CDON: variants seen among roughly 807,000 people sequenced by gnomAD.
CDON encodes the protein cell adhesion molecule-related/down-regulated by oncogenes.
A neutral mutation model predicts 120.9 loss-of-function variants in CDON; 73 were observed. The ratio of observed to expected loss-of-function variants is 0.60; its 90% CI spans 0.50 to 0.73. The LOEUF (loss-of-function observed/expected upper bound fraction) is 0.73. Among genes scored for constraint, CDON ranks in the 30% least tolerant of loss-of-function variants. The pLI is 0.00. For missense variants in CDON, 1,470 were observed against 1,587.3 expected (o/e 0.93, Z 1.26); for synonymous variants, 566 against 573.5 (o/e 0.99, Z 0.19).
intron 15 of CDON, among the ~76,000 whole-genome samples, chr11:125,985,751 C>T (rs1170136073): frequency 6.6e-6 from 1 of 152,076 alleles, no homozygotes; most frequent in Non-Finnish European, 1.5e-5. Context: ...AAATGCAAAT[C>T]AAAACCACAA....
intron 18 of CDON, among the ~76,000 whole-genome samples, chr11:125,966,050 C>T (rs1945788537): frequency 6.6e-6 from 1 of 151,854 alleles, no homozygotes; most frequent in African/African-American, 2.4e-5. Flanking sequence ...GGCAGGAGAA[C>T]CGCTTGAACC....
intron 1 of CDON, among the ~76,000 whole-genome samples, chr11:126,035,637 T>C (rs979301006): frequency 4.6e-5 from 7 of 152,124 alleles, no homozygotes; most frequent in Admixed American, 4.6e-4. Context: ...TAGTACATAA[T>C]TGGCACCAAT....
intron 1 of CDON, among the ~76,000 whole-genome samples, chr11:126,060,477 G>A (rs979366005): frequency 1.3e-5 from 2 of 151,626 alleles, no homozygotes; most frequent in Non-Finnish European, 2.9e-5. Flanking sequence ...TTTTTACTAC[G>A]ATAATATTTA....
rs1947118304 is a variant in CDON, at chr11:126,006,038, T to G, written c.1572A>C (p.Thr524=). The part of the protein sequence containing the change: ...SLMVVPFETN[T]KAETVTLPDA... ...CAGGAAGTGTGACTGTCTCTGCTTTTGTATTTGTTTCAAAAGGAACTGCAG... is the reference window on the plus strand; with the variant it reads ...CAGGAAGTGTGACTGTCTCTGCTTTGGTATTTGTTTCAAAAGGAACTGCAG... The change falls in exon 9 of 20, where the codon ACA becomes ACC. Residue 524 remains threonine, a synonymous_variant. Transcript: ENST00000531738. 1.2e-6 allele frequency: 2 copies of G among 1,614,004 alleles called. No homozygotes were observed. The highest frequency in any genetic ancestry group is 1.3e-5 in the African/African-American group (1 of 75,056).
Position 126,005,957 on chromosome 11 carries a change from C to T in CDON, c.1653G>A (p.Leu551=). 6.2e-7 allele frequency: 1 copy of T among 1,614,118 alleles called. No homozygotes were observed. Among genetic ancestry groups the T allele is most frequent in the African/African-American group, 1.3e-5 (1 of 75,012 alleles). Residue 551 remains leucine, a synonymous_variant, in exon 9 of 20, where the codon CTG becomes CTA. Coordinates refer to ENST00000531738, the MANE Select transcript of CDON (RefSeq NM_001378964.1). The stretch of plus-strand genomic sequence containing the variant: ...GATGGACCTTCACCGGAAATGAGCT[C>T]AGTAACCCAGTTTCTGAACCATCTC... ...SKRDGSETGL[L]SSFPVKVHPS...
intron 10 of CDON, among the ~76,000 whole-genome samples, chr11:126,002,985 T>G (rs1300866201): frequency 6.6e-6 from 1 of 152,176 alleles, no homozygotes; most frequent in Non-Finnish European, 1.5e-5. Flanking sequence ...GGGAGACACG[T>G]GGCTTTCTAC....
At chr11:126,060,473 C>T (rs1005205040) in intron 1 of CDON, among the ~76,000 whole-genome samples, 4 of 151,962 alleles carry the variant, frequency 2.6e-5, no homozygotes, top group Non-Finnish European at 5.9e-5. Context: ...CTGATTTTTA[C>T]TACGATAATA....
rs754543462 is a variant in CDON, at chr11:125,994,265, A to G, written c.2650+19T>C. 7.6e-7 allele frequency: 1 copy of G among 1,314,034 alleles called. No homozygotes were observed. The highest frequency in any genetic ancestry group is 1.2e-5 in the South Asian group (1 of 85,130). 81.4% of individuals were successfully genotyped at this position (1,314,034 alleles called of 1,614,324 possible). A position where few individuals can be genotyped will look rare whatever the true frequency, so the allele number is the denominator to read the frequency against. On this transcript the variant is annotated intron_variant, in intron 14 of 19. Transcript: ENST00000531738. ...TCCAAAGCGCCTTTACAGGGACTCC[A>G]GTGTGCCAGGGGACTTACCTTCTAC...
intron 1 of CDON, among the ~76,000 whole-genome samples, chr11:126,049,464 C>T (rs113980956): frequency 2.0e-5 from 3 of 152,210 alleles, no homozygotes; most frequent in African/African-American, 7.2e-5. Context: ...TATTACAACT[C>T]AGTCTTCATT....
chr11:126,005,509 C>T (rs1947094182), intron 9 of CDON: 2 of 533,802 alleles, frequency 3.7e-6, no homozygotes, highest in Admixed American at 3.2e-5. Flanking sequence ...AGGGCTAAAA[C>T]ATTTGAATAC....
intron 7 of CDON, among the ~76,000 whole-genome samples, chr11:126,014,181 C>T (rs562396436): frequency 3.9e-5 from 6 of 152,058 alleles, no homozygotes; most frequent in African/African-American, 1.2e-4. Context: ...ATATCATAAA[C>T]AATTGATTTC....
At chr11:125,973,957 G>A (rs909931929) in intron 18 of CDON, among the ~76,000 whole-genome samples, 6 of 151,710 alleles carry the variant, frequency 4.0e-5, no homozygotes, top group African/African-American at 7.3e-5. Context: ...GTGCAGTGGC[G>A]TGATCTTGGC....
chr11:126,001,049 A>G (rs771436656), intron 11 of CDON, among the ~76,000 whole-genome samples: 15 of 152,228 alleles, frequency 9.9e-5, no homozygotes, highest in Non-Finnish European at 1.5e-4. Flanking sequence ...AATAAAAAGT[A>G]ACATGTAATC....
intron 15 of CDON, among the ~76,000 whole-genome samples, chr11:125,985,755 A>G (rs1946442037): frequency 6.6e-6 from 1 of 152,122 alleles, no homozygotes; most frequent in African/African-American, 2.4e-5. Context: ...GCAAATCAAA[A>G]CCACAATGAG....
At chr11:125,981,413 T>C (rs1591561662) in intron 16 of CDON, 84 bp from the exon 17 acceptor site, 4 of 1,401,672 alleles carry the variant, frequency 2.9e-6, no homozygotes, top group South Asian at 1.2e-5. Flanking sequence ...CATGCACACA[T>C]GCACATACGC....
chr11:126,033,030 T>A (rs747220758), intron 1 of CDON, among the ~76,000 whole-genome samples: 4 of 152,118 alleles, frequency 2.6e-5, no homozygotes, highest in Non-Finnish European at 5.9e-5. Flanking sequence ...TGATAATGAA[T>A]GAGTTGGACT....
rs764430085 is a variant in CDON, at chr11:126,015,108, A to G, written c.1198+133T>C. ...TGCCTACCTGTCACTAGCCAGGACC[A>G]TGGAAAATGAACACCGTTCTTGTAC... On this transcript the variant is annotated intron_variant, in intron 7 of 19. Transcript: ENST00000531738. 7 of 856,178 alleles carry G rather than the reference A, an allele frequency of 8.2e-6. No homozygotes were observed. In the Middle Eastern group the frequency reaches 6.6e-4, roughly 81 times the overall value. 53.0% of individuals were successfully genotyped at this position (856,178 alleles called of 1,614,324 possible).
At chr11:126,002,975 G>A (rs1365828084) in intron 10 of CDON, among the ~76,000 whole-genome samples, 1 of 152,044 alleles carries the variant, frequency 6.6e-6, no homozygotes, top group Non-Finnish European at 1.5e-5. Flanking sequence ...TCTTTCTCTA[G>A]GGAGACACGT....
intron 5 of CDON, 32 bp from the exon 6 acceptor site, chr11:126,017,407 G>GT: frequency 6.2e-7 from 1 of 1,602,336 alleles, no homozygotes; most frequent in Non-Finnish European, 8.5e-7. Flanking sequence ...GAGATTATTA[G>GT]TAAGTCTTCG....
Sources: gnomAD v4.1 joint callset for allele counts (sites outside exome capture counted in the v4.1 genomes callset) on GRCh38, gnomAD v4.1.1 for gene constraint, MANE v1.5 for transcripts, NCBI Gene and HGNC (gene_info 2026-07-23, HGNC 2026-07-21) for gene names.